Variants in FARS2 observed in about 807,000 individuals in gnomAD.
FARS2 encodes the protein phenylalanyl-tRNA synthetase 2, mitochondrial.
A neutral mutation model predicts 46.4 loss-of-function variants in FARS2; 40 were observed. The ratio of observed to expected loss-of-function variants is 0.86; its 90% CI spans 0.67 to 1.12. The LOEUF is 1.12. FARS2 is among the 50% of genes most tolerant of loss of function. FARS2 has a pLI of 0.00. For missense variants in FARS2, 513 were observed against 567.9 expected (o/e 0.90, Z 0.98); for synonymous variants, 234 against 214.9 (o/e 1.09, Z -0.78).
chr6:5,769,794 C>T (rs1002521099), intron 6 of FARS2, among the ~76,000 whole-genome samples: 7 of 152,234 alleles, frequency 4.6e-5, no homozygotes, highest in Admixed American at 1.3e-4. Flanking sequence ...TCAGTGGTAA[C>T]TTCCTCCTGT....
chr6:5,410,539 A>G (rs1477450098), intron 3 of FARS2, among the ~76,000 whole-genome samples: 5 of 152,098 alleles, frequency 3.3e-5, no homozygotes, highest in Non-Finnish European at 5.9e-5. Flanking sequence ...TGGTTTATTA[A>G]TTAAGTAATT....
intron 6 of FARS2, among the ~76,000 whole-genome samples, chr6:5,701,511 A>G (rs1334673419): frequency 2.0e-5 from 3 of 152,240 alleles, no homozygotes; most frequent in Non-Finnish European, 4.4e-5. Context: ...CACACACAAC[A>G]GTGACATCAT....
At chr6:5,602,507 C>T (rs77145458) in intron 5 of FARS2, among the ~76,000 whole-genome samples, 3,372 of 151,898 alleles carry the variant, frequency 0.022, 59 homozygotes, top group Non-Finnish European at 0.034. Flanking sequence ...ATTAGCTGGG[C>T]GTGGTGGTGG....
At chr6:5,261,071 G>A (rs903225447), upstream of FARS2, 10 of 517,088 alleles carry the variant, frequency 1.9e-5, no homozygotes, top group Non-Finnish European at 2.6e-5. Flanking sequence ...GGAAATAAGA[G>A]GACTGGCCGC....
At chr6:5,579,259 A>G (rs1235729529) in intron 5 of FARS2, among the ~76,000 whole-genome samples, 1 of 151,976 alleles carries the variant, frequency 6.6e-6, no homozygotes, top group African/African-American at 2.4e-5. Flanking sequence ...CCATCTTATT[A>G]TGAAGTTTTT....
At chr6:5,435,340 G>A (rs1763459045) in intron 4 of FARS2, among the ~76,000 whole-genome samples, 1 of 152,224 alleles carries the variant, frequency 6.6e-6, no homozygotes, top group Non-Finnish European at 1.5e-5. Context: ...CCCTGTGATA[G>A]AGTGTATTTA....
intron 4 of FARS2, among the ~76,000 whole-genome samples, chr6:5,441,961 G>A (rs865975481): frequency 6.6e-6 from 1 of 152,114 alleles, no homozygotes; most frequent in Non-Finnish European, 1.5e-5. Context: ...CTCTAGCTGA[G>A]CTTGGTGGTG....
chr6:5,361,837 T>A (rs1758323509), intron 1 of FARS2, among the ~76,000 whole-genome samples: 1 of 152,196 alleles, frequency 6.6e-6, no homozygotes, highest in Admixed American at 6.5e-5. Context: ...AATTATGCTT[T>A]AGGGAAATGA....
intron 6 of FARS2, among the ~76,000 whole-genome samples, chr6:5,645,196 C>G (rs1777017474): frequency 6.6e-6 from 1 of 152,164 alleles, no homozygotes; most frequent in African/African-American, 2.4e-5. Flanking sequence ...CAGTCATTCT[C>G]CCTCTGGTGT....
At chr6:5,442,414 T>C (rs72817719) in intron 4 of FARS2, among the ~76,000 whole-genome samples, 136 of 150,240 alleles carry the variant, frequency 9.1e-4, no homozygotes, top group African/African-American at 2.0e-3. Context: ...TATATATATA[T>C]ACACACACAC....
intron 1 of FARS2, among the ~76,000 whole-genome samples, chr6:5,359,624 G>A (rs981307494): frequency 6.6e-6 from 1 of 152,184 alleles, no homozygotes; most frequent in African/African-American, 2.4e-5. Flanking sequence ...TTAATATTGT[G>A]TTGGGCCTTT....
chr6:5,276,302 G>A (rs1025019119), intron 1 of FARS2, among the ~76,000 whole-genome samples: 4 of 152,080 alleles, frequency 2.6e-5, no homozygotes, highest in Middle Eastern at 3.2e-3. Context: ...AGATTTTGTC[G>A]ATTTGGTCTC....
chr6:5,261,944 T>G (rs1379714955), intron 1 of FARS2, among the ~76,000 whole-genome samples: 1 of 152,200 alleles, frequency 6.6e-6, no homozygotes, highest in East Asian at 1.9e-4. Flanking sequence ...ATCATCTTAT[T>G]AAAGTGGTGG....
chr6:5,633,751 T>A (rs751069296), intron 6 of FARS2, among the ~76,000 whole-genome samples: 6 of 152,236 alleles, frequency 3.9e-5, no homozygotes, highest in Non-Finnish European at 8.8e-5. Context: ...GCATTTGTTA[T>A]GACTGGTGAA....
intron 2 of FARS2, among the ~76,000 whole-genome samples, chr6:5,399,622 G>T (rs1012804221): frequency 6.6e-6 from 1 of 152,062 alleles, no homozygotes; most frequent in East Asian, 1.9e-4. Context: ...CCACCTCTGT[G>T]TAGGTGATTT....
Position 5,629,929 on chromosome 6 carries a change from G to C in FARS2, c.1217+16609G>C, listed in dbSNP as rs145199318. ...TGACCTGTGCGGCCAAGAGTTTGGT[G>C]GTTGGAATGGAGATGAGGATTAAGT... is the stretch of plus-strand genomic sequence containing the variant. On this transcript the variant is annotated intron_variant, in intron 6 of 6. Coordinates refer to ENST00000274680, the MANE Select transcript of FARS2 (RefSeq NM_006567.5). 2.1e-3 allele frequency among the ~76,000 whole-genome samples: 318 copies of C among 152,294 alleles called. 3 individuals carry two copies. Among genetic ancestry groups the C allele is most frequent in the African/African-American group, 7.4e-3 (308 of 41,554 alleles).
At chr6:5,262,035 G>A (rs913981650) in intron 1 of FARS2, among the ~76,000 whole-genome samples, 6 of 152,180 alleles carry the variant, frequency 3.9e-5, no homozygotes, top group Admixed American at 6.5e-5. Context: ...TGTTTGCAAA[G>A]CACTTTTCTT....
intron 3 of FARS2, among the ~76,000 whole-genome samples, chr6:5,426,722 T>C (rs759026213): frequency 3.3e-5 from 5 of 152,150 alleles, no homozygotes; most frequent in African/African-American, 4.8e-5. Context: ...ACCTCCCAGG[T>C]TCAAGCAATT....
intron 6 of FARS2, among the ~76,000 whole-genome samples, chr6:5,763,251 A>G (rs1762582447): frequency 6.6e-6 from 1 of 152,068 alleles, no homozygotes; most frequent in Non-Finnish European, 1.5e-5. Context: ...TAGGAGTTTG[A>G]GATTGGCCTG....
Sources: allele counts gnomAD v4.1 joint callset (sites outside exome capture counted in the v4.1 genomes callset), GRCh38; gene constraint gnomAD v4.1.1; transcripts MANE v1.5; gene names NCBI Gene and HGNC (gene_info 2026-07-23, HGNC 2026-07-21).